The following FAM184B variants were observed in gnomAD, a reference collection of about 807,000 sequenced individuals.
The protein encoded by FAM184B is protein FAM184B.
In FAM184B, 111 loss-of-function variants were observed where a neutral mutation model predicts 135.9. The ratio of observed to expected loss-of-function variants is 0.82; its 90% CI spans 0.70 to 0.96. FAM184B has a LOEUF of 0.96. Ranked by LOEUF, FAM184B falls within the 40% of genes least tolerant of loss-of-function variation. The pLI is 0.00. For synonymous variants in FAM184B, 552 were observed against 524.8 expected (o/e 1.05, Z -0.71); for missense variants, 1,375 against 1,323.9 (o/e 1.04, Z -0.60).
chr4:17,651,787 G>C (rs1034954511), intron 11 of FAM184B, among the ~76,000 whole-genome samples: 13 of 152,144 alleles, frequency 8.5e-5, no homozygotes, highest in Non-Finnish European at 1.3e-4. Context: ...GAGTGTTAGA[G>C]CTGGGCTTCA....
chr4:17,690,297 G>A (rs1716702217), intron 6 of FAM184B, among the ~76,000 whole-genome samples: 1 of 152,196 alleles, frequency 6.6e-6, no homozygotes, highest in Non-Finnish European at 1.5e-5. Flanking sequence ...TAGTGGTAGA[G>A]GGCGGGTGGG....
At position 17,748,952 on chromosome 4, in the gene FAM184B, G is replaced by A. The variant is rs1290271308; in HGVS notation, c.141+32207C>T. 2.0e-5 allele frequency among the ~76,000 whole-genome samples: 3 copies of A among 151,444 alleles called. No individual in the cohort carries two copies. The East Asian group carries it at 5.8e-4, about 30-fold the overall frequency. On this transcript the variant is annotated intron_variant, in intron 1 of 17. Transcript: ENST00000265018. ...AGTGATTTTCCCAGTTTAGCCTCTG[G>A]AGTAGCTGAGACTACAGGTGCTTGC...
At chr4:17,642,802 TA>T (rs1346531585) in intron 12 of FAM184B, among the ~76,000 whole-genome samples, 2 of 152,252 alleles carry the variant, frequency 1.3e-5, no homozygotes, top group Non-Finnish European at 2.9e-5. Context: ...GAATGCTTGC[TA>T]AACAGAATTG....
intron 1 of FAM184B, among the ~76,000 whole-genome samples, chr4:17,742,010 G>T (rs1718052394): frequency 6.6e-6 from 1 of 151,812 alleles, no homozygotes; most frequent in Non-Finnish European, 1.5e-5. Context: ...AACTGCTAGA[G>T]ATCTGCTGTA....
chr4:17,729,567 A>C (rs1375631333), intron 1 of FAM184B, among the ~76,000 whole-genome samples: 1 of 152,242 alleles, frequency 6.6e-6, no homozygotes, highest in East Asian at 1.9e-4. Context: ...AGGAACGATC[A>C]GGCAGCAGCA....
At chr4:17,707,553 C>G in intron 3 of FAM184B, 96 bp downstream of exon 3, 1 of 1,484,374 alleles carries the variant, frequency 6.7e-7, no homozygotes, top group Non-Finnish European at 9.1e-7. Context: ...TGCCCCTCCT[C>G]TCTGCTCCCT....
rs576804341 is a variant in FAM184B at position 17,769,363 on chromosome 4, C to G, written c.141+11796G>C. Among the ~76,000 whole-genome samples, 6 of 152,102 alleles carry G rather than the reference C, an allele frequency of 3.9e-5. No individual in the cohort carries two copies. In the South Asian group the frequency reaches 1.2e-3, roughly 32 times the overall value. ...TTATAGATTTAGGTTTCTTTAAAAA[C>G]TTTTTCTTTTTGCTTATCTGTATTT... On this transcript the variant is annotated intron_variant, in intron 1 of 17. Transcript: ENST00000265018.
intron 7 of FAM184B, among the ~76,000 whole-genome samples, chr4:17,678,980 A>C (rs528528161): frequency 6.6e-6 from 1 of 152,222 alleles, no homozygotes; most frequent in African/African-American, 2.4e-5. Flanking sequence ...AGCCACACGT[A>C]GAAGAATGAA....
intron 1 of FAM184B, among the ~76,000 whole-genome samples, chr4:17,767,880 T>A (rs1718735528): frequency 6.6e-6 from 1 of 152,332 alleles, no homozygotes; most frequent in South Asian, 2.1e-4. Context: ...AGATTAGTGA[T>A]CCAGTGTTTA....
chr4:17,766,113 G>T (rs982051024), intron 1 of FAM184B, among the ~76,000 whole-genome samples: 1 of 152,232 alleles, frequency 6.6e-6, no homozygotes, highest in South Asian at 2.1e-4. Context: ...GCAAGATTGG[G>T]AAGGTAACCT....
intron 7 of FAM184B, among the ~76,000 whole-genome samples, chr4:17,674,816 A>G (rs912864577): frequency 5.3e-5 from 8 of 152,110 alleles, no homozygotes; most frequent in Non-Finnish European, 8.8e-5. Flanking sequence ...CTAAGAAGCA[A>G]CTCCTCATCC....
intron 1 of FAM184B, among the ~76,000 whole-genome samples, chr4:17,731,993 C>A (rs1008135986): frequency 2.0e-5 from 3 of 152,262 alleles, no homozygotes; most frequent in East Asian, 3.9e-4. Context: ...GTCTCTCAGA[C>A]CACAGTGCAA....
intron 11 of FAM184B, among the ~76,000 whole-genome samples, chr4:17,649,848 C>CCACCCACT (rs1715562719): frequency 2.3e-5 from 3 of 132,188 alleles, no homozygotes; most frequent in African/African-American, 9.9e-5. Context: ...ATCCACCTGT[C>CCACCCACT]CATCCATCCA....
chr4:17,717,246 C>T lies in FAM184B; in HGVS notation c.142-7602G>A, dbSNP rs766993026. On this transcript the variant is annotated intron_variant, in intron 1 of 17. Coordinates refer to ENST00000265018, the MANE Select transcript of FAM184B (RefSeq NM_015688.2). ...GGTAATATATCTTAGGTGTCTGGCA[C>T]GTAGTAAATACTTATTAAACGTTTC... Among the ~76,000 whole-genome samples the T allele has an allele frequency of 3.9e-5, 6 of 152,184 alleles. No individual in the cohort carries two copies. The East Asian group carries it at 5.8e-4, about 15-fold the overall frequency.
intron 17 of FAM184B, 83 bp from the exon 18 acceptor site, chr4:17,632,708 G>T (rs1011784888): frequency 1.1e-6 from 1 of 915,726 alleles, no homozygotes; most frequent in Non-Finnish European, 1.7e-6. Flanking sequence ...TTCAGGGAAA[G>T]ATAACTGCTT....
At chr4:17,649,135 A>G (rs1558377) in intron 11 of FAM184B, among the ~76,000 whole-genome samples, 92,449 of 152,032 alleles carry the variant, frequency 0.61, 28,614 homozygotes, top group East Asian at 0.89. Flanking sequence ...TGCTCAACAT[A>G]TATTTGTAAA....
chr4:17,717,266 C>T (rs754160181), intron 1 of FAM184B, among the ~76,000 whole-genome samples: 4 of 152,160 alleles, frequency 2.6e-5, no homozygotes, highest in South Asian at 2.1e-4. Context: ...ACTTATTAAA[C>T]GTTTCTTCCT....
At chr4:17,745,287 C>T (rs775133689) in intron 1 of FAM184B, among the ~76,000 whole-genome samples, 23 of 152,302 alleles carry the variant, frequency 1.5e-4, no homozygotes, top group Non-Finnish European at 2.8e-4. Context: ...GCCGCTCAGA[C>T]CTCCCTTAGA....
chr4:17,670,842 A>G (rs60270797), intron 7 of FAM184B, among the ~76,000 whole-genome samples: 2,799 of 152,294 alleles, frequency 0.018, 43 homozygotes, highest in African/African-American at 0.033. Flanking sequence ...GTAATTCCAT[A>G]TCACTGCACT....
Sources: allele counts gnomAD v4.1 joint callset (sites outside exome capture counted in the v4.1 genomes callset), GRCh38; gene constraint gnomAD v4.1.1; transcripts MANE v1.5; gene names NCBI Gene and HGNC (gene_info 2026-07-23, HGNC 2026-07-21).